Variants in ZGPAT observed in about 807,000 individuals in gnomAD.
The protein encoded by ZGPAT is zinc finger CCCH-type with G patch domain-containing protein.
Under a neutral mutation model 47.9 loss-of-function variants are expected in ZGPAT, and 39 were observed. The observed-to-expected ratio is 0.81, with a 90% CI of 0.63 to 1.06. ZGPAT has a LOEUF of 1.06. ZGPAT is among the 50% of genes least tolerant of loss of function. The pLI is 0.00. For synonymous variants in ZGPAT, 348 were observed against 292.9 expected (o/e 1.19, Z -1.92); for missense variants, 717 against 681.4 (o/e 1.05, Z -0.58).
intron 2 of ZGPAT, among the ~76,000 whole-genome samples, chr20:63,731,779 C>G (rs1208612780): frequency 1.3e-5 from 2 of 152,118 alleles, no homozygotes; most frequent in African/African-American, 4.8e-5. Flanking sequence ...GGTTCCATAT[C>G]CATCATTTCA....
chr20:63,707,786 G>C (rs1053383797), upstream of ZGPAT: 2 of 152,308 alleles, frequency 1.3e-5, no homozygotes, highest in Non-Finnish European at 2.9e-5. Context: ...GCCAAAGCTG[G>C]CTCCTGTCAC....
intron 2 of ZGPAT, among the ~76,000 whole-genome samples, chr20:63,717,267 T>C (rs1485735001): frequency 6.6e-6 from 1 of 152,024 alleles, no homozygotes; most frequent in Non-Finnish European, 1.5e-5. Flanking sequence ...TAATTTGCTC[T>C]TTTTTTCCCC....
chr20:63,724,243 G>A (rs1444413782), intron 2 of ZGPAT, among the ~76,000 whole-genome samples: 1 of 151,758 alleles, frequency 6.6e-6, no homozygotes, highest in Non-Finnish European at 1.5e-5. Flanking sequence ...GTGGGTGTCT[G>A]TAATCCCAGC....
At chr20:63,724,169 C>T (rs2091818672) in intron 2 of ZGPAT, among the ~76,000 whole-genome samples, 2 of 152,120 alleles carry the variant, frequency 1.3e-5, no homozygotes, top group Admixed American at 6.6e-5. Context: ...AGTTTAAGAC[C>T]AGCCTGGCCA....
At chr20:63,734,993 T>C (rs1050853191) in intron 5 of ZGPAT, 166 bp from the exon 6 acceptor site, 20 of 1,321,346 alleles carry the variant, frequency 1.5e-5, no homozygotes, top group Non-Finnish European at 1.9e-5. Context: ...GCCACAGCAC[T>C]GCCATCCCCG....
intron 5 of ZGPAT, 39 bp downstream of exon 5, chr20:63,734,863 G>A (rs761068632): frequency 1.9e-6 from 3 of 1,540,908 alleles, no homozygotes; most frequent in Non-Finnish European, 2.6e-6. Context: ...GCAGGCTGCT[G>A]CAGCATAGCC....
chr20:63,708,928 T>C lies in ZGPAT; in HGVS notation c.348T>C (p.Gly116=). Residue 116 remains glycine (G), a synonymous_variant, in exon 2 of 7, where the codon GGT becomes GGC. Transcript: ENST00000355969. ...AGGCGGGGCCAGAATCTGCGGCAGG[T>C]GGGCAGGAGGAGGAAGAGGGAGAGG... is the stretch of plus-strand genomic sequence containing the variant. ...KAEAGPESAA[G]GQEEEEGEDE... is the part of the protein sequence containing the mutation. The C allele has an allele frequency of 6.3e-7, 1 of 1,596,386 alleles. No homozygotes were observed.
chr20:63,735,968 C>T lies in ZGPAT; in HGVS notation c.*49C>T, dbSNP rs2091986407. On this transcript the variant is annotated 3_prime_UTR_variant, in exon 7 of 7. Transcript: ENST00000355969. ...AAGCGTGGGACCCCAGCACGGGCTG[C>T]CCTCAGGAAGACCAGTGTTGCCCGA... is the stretch of plus-strand genomic sequence containing the variant. 2.5e-6 allele frequency: 4 copies of T among 1,577,560 alleles called. No individual in the cohort carries two copies. Among genetic ancestry groups the T allele is most frequent in the Admixed American group, 1.7e-5 (1 of 57,272 alleles).
Position 63,735,311 on chromosome 20 carries a change from G to A in ZGPAT, c.1144G>A (p.Gly382Arg), listed in dbSNP as rs748707620. Reference sequence around the variant, plus strand: ...CAAGCCCCCCAGGTGCCGGGGAAGAGGGGCCAGGCCTGGGGGCCGCCCAGC... The same window carrying A: ...CAAGCCCCCCAGGTGCCGGGGAAGAAGGGCCAGGCCTGGGGGCCGCCCAGC... ...TNKPPRCRGRGARPGGRPAPR... is the reference protein window; with the variant it reads ...TNKPPRCRGRRARPGGRPAPR... The change falls in exon 6 of 7, where the codon GGG becomes AGG. Residue 382 changes from glycine to arginine, a missense_variant. Gly to Arg is a moderately radical substitution (Grantham distance 125). Transcript: ENST00000355969. The A allele has an allele frequency of 3.1e-6, 5 of 1,595,912 alleles. No individual in the cohort carries two copies. The highest frequency in any genetic ancestry group is 4.3e-6 in the Non-Finnish European group (5 of 1,171,574).
rs770070176 is a variant in ZGPAT, at chr20:63,708,871, T to G, written c.291T>G (p.Arg97=). The change falls in exon 2 of 7, where the codon CGT becomes CGG. Residue 97 remains arginine, a synonymous_variant. Coordinates refer to ENST00000355969, the MANE Select transcript of ZGPAT (RefSeq NM_181485.3). The part of the protein sequence containing the change: ...TEAVEAPAAA[R]GSGSETVPKA... Reference sequence around the variant, plus strand: ...CGGTGGAGGCACCAGCAGCGGCCCGTGGGTCCGGATCAGAGACCGTTCCTA... The same window carrying G: ...CGGTGGAGGCACCAGCAGCGGCCCGGGGGTCCGGATCAGAGACCGTTCCTA... 2 of 1,609,980 alleles carry G rather than the reference T, an allele frequency of 1.2e-6. No individual in the cohort carries two copies. Among genetic ancestry groups the G allele is most frequent in the Non-Finnish European group, 1.7e-6 (2 of 1,178,108 alleles).
chr20:63,736,049 C>G lies in ZGPAT; in HGVS notation c.*130C>G. On this transcript the variant is annotated 3_prime_UTR_variant, in exon 7 of 7. Transcript: ENST00000355969. ...CAGACACTGCTGAGTGGAGACAGAG[C>G]TGCGGGGTCCCATCTGGACACTTAC... 1 of 1,337,522 alleles carries G rather than the reference C, an allele frequency of 7.5e-7. No individual in the cohort carries two copies. The highest frequency in any genetic ancestry group is 2.7e-5 in the Admixed American group (1 of 36,894). 82.9% of individuals were successfully genotyped at this position (1,337,522 alleles called of 1,614,324 possible).
At chr20:63,732,346 GTGTGTGT>G (rs2091916925) in intron 2 of ZGPAT, among the ~76,000 whole-genome samples, 1 of 28,858 alleles carries the variant, frequency 3.5e-5, no homozygotes, top group Non-Finnish European at 7.9e-5. Flanking sequence ...TGTGGGTGAG[GTGTGTGT>G]GTGCATGTGT....
intron 2 of ZGPAT, among the ~76,000 whole-genome samples, chr20:63,724,751 G>A (rs1218143042): frequency 6.8e-6 from 1 of 146,288 alleles, no homozygotes; most frequent in African/African-American, 2.6e-5. Context: ...TCAGATCACT[G>A]CAACCTCTGC....
Position 63,735,569 on chromosome 20 carries a change from G to C in ZGPAT, c.1397+5G>C, listed in dbSNP as rs375206481. 2.6e-6 allele frequency: 4 copies of C among 1,513,864 alleles called. No individual in the cohort carries two copies. Among genetic ancestry groups the C allele is most frequent in the Non-Finnish European group, 3.5e-6 (4 of 1,132,676 alleles). The allele number at this position is 1,513,864 out of a possible 1,614,324, so 93.8% of individuals were successfully genotyped here. On this transcript the variant is annotated splice_donor_5th_base_variant and intron_variant, in intron 6 of 6. Coordinates refer to ENST00000355969, the MANE Select transcript of ZGPAT (RefSeq NM_181485.3). ...TCTCGCCCGCAACGCTGGCCGGTACGTGTGGGGCCCAGCTCAGGGCAAAGG... is the reference window on the plus strand; with the variant it reads ...TCTCGCCCGCAACGCTGGCCGGTACCTGTGGGGCCCAGCTCAGGGCAAAGG...
chr20:63,710,199 G>C (rs984227282), intron 2 of ZGPAT, among the ~76,000 whole-genome samples: 2 of 146,894 alleles, frequency 1.4e-5, no homozygotes, highest in Admixed American at 7.0e-5. Context: ...CCTCACCCAG[G>C]CTGGAGTGTA....
chr20:63,727,803 G>A (rs936586269), intron 2 of ZGPAT, among the ~76,000 whole-genome samples: 11 of 151,930 alleles, frequency 7.2e-5, no homozygotes, highest in Non-Finnish European at 5.9e-5. Context: ...CCCACTCAGA[G>A]TCAGATTATA....
At chr20:63,710,824 C>T (rs1172267736) in intron 2 of ZGPAT, among the ~76,000 whole-genome samples, 1 of 152,158 alleles carries the variant, frequency 6.6e-6, no homozygotes, top group Admixed American at 6.5e-5. Context: ...AATGGTAATA[C>T]CTCTTCCATA....
intron 2 of ZGPAT, among the ~76,000 whole-genome samples, chr20:63,721,877 G>T (rs188507551): frequency 6.6e-6 from 1 of 152,074 alleles, no homozygotes; most frequent in Non-Finnish European, 1.5e-5. Context: ...TTAGCTGGGC[G>T]TGGTGGGTGC....
chr20:63,736,008 G>A lies in ZGPAT; in HGVS notation c.*89G>A. Reference sequence around the variant, plus strand: ...GTGTTGCCCGAGGAGGGGCCGGCCTGCTGGCCTGGGGCGTGCAGACACTGC... The same window carrying A: ...GTGTTGCCCGAGGAGGGGCCGGCCTACTGGCCTGGGGCGTGCAGACACTGC... On this transcript the variant is annotated 3_prime_UTR_variant, in exon 7 of 7. Transcript: ENST00000355969. The A allele has an allele frequency of 6.5e-7, 1 of 1,539,602 alleles. No homozygotes were observed. The highest frequency in any genetic ancestry group is 8.8e-7 in the Non-Finnish European group (1 of 1,139,564).
Sources: allele counts gnomAD v4.1 joint callset (sites outside exome capture counted in the v4.1 genomes callset), GRCh38; gene constraint gnomAD v4.1.1; transcripts MANE v1.5; gene names NCBI Gene and HGNC (gene_info 2026-07-23, HGNC 2026-07-21).